The following FLT1 variants were observed in gnomAD, a reference collection of about 807,000 sequenced individuals.
FLT1 encodes the protein fms related receptor tyrosine kinase 1, also known as vascular endothelial growth factor receptor 1.
FLT1 carries 49 observed loss-of-function variants against 156.3 expected under a neutral mutation model. The observed-to-expected ratio is 0.31, with a 90% CI of 0.25 to 0.40. The LOEUF is 0.40. Among genes scored for constraint, FLT1 ranks in the 10% least tolerant of loss-of-function variants. The probability of loss-of-function intolerance (pLI) is 1.00; values close to 1 mark genes in which losing one functional copy is unlikely to be tolerated. For synonymous variants in FLT1, 594 were observed against 583.8 expected, an observed-to-expected ratio of 1.02 and a Z score of -0.25; for missense variants, 1,322 against 1,637.2, an observed-to-expected ratio of 0.81 and a Z score of 3.32.
chr13:28,444,496 C>T (rs1878503305), intron 3 of FLT1, among the ~76,000 whole-genome samples: 1 of 152,078 alleles, frequency 6.6e-6, no homozygotes. Flanking sequence ...TAGTAGAACA[C>T]CAGAACAACA....
chr13:28,322,292 G>A lies in FLT1; in HGVS notation c.3021C>T (p.Ala1007=), dbSNP rs746544568. Residue 1007 remains alanine, a synonymous_variant, in exon 22 of 30, where the codon GCC becomes GCT. Coordinates refer to ENST00000282397, the MANE Select transcript of FLT1 (RefSeq NM_002019.4). The surrounding 1 kb of genome is among the most constrained non-coding windows in gnomAD (Gnocchi z 4.3). ...EDLISYSFQV[A]RGMEFLSSRK... is the part of the protein sequence containing the mutation. Reference sequence around the variant, plus strand: ...TGGAAGACAGGAACTCCATGCCTCTGGCCACTTGAAAACTGTAAGAAATCA... The same window carrying A: ...TGGAAGACAGGAACTCCATGCCTCTAGCCACTTGAAAACTGTAAGAAATCA... 6.2e-7 allele frequency: 1 copy of A among 1,612,400 alleles called. No individual in the cohort carries two copies. Among genetic ancestry groups the A allele is most frequent in the Non-Finnish European group, 8.5e-7 (1 of 1,178,458 alleles).
At chr13:28,453,683 G>A (rs956510064) in intron 3 of FLT1, among the ~76,000 whole-genome samples, 5 of 152,170 alleles carry the variant, frequency 3.3e-5, no homozygotes, top group African/African-American at 1.2e-4. Context: ...CACATGACAT[G>A]ATTTTGACCC....
intron 3 of FLT1, among the ~76,000 whole-genome samples, chr13:28,452,226 G>A (rs1342868445): frequency 6.6e-6 from 1 of 152,178 alleles, no homozygotes. Context: ...GCCCAGGCAA[G>A]GACACGTTAG....
chr13:28,417,924 C>T (rs1302090234), intron 10 of FLT1, among the ~76,000 whole-genome samples: 1 of 152,062 alleles, frequency 6.6e-6, no homozygotes, highest in East Asian at 1.9e-4. Flanking sequence ...TTCTTTTGAC[C>T]CCTCCTTTTC....
intron 14 of FLT1, among the ~76,000 whole-genome samples, chr13:28,380,926 GA>G (rs34882655): frequency 2.0e-5 from 3 of 152,030 alleles, no homozygotes; most frequent in Admixed American, 2.0e-4. Context: ...ATAAATAGGG[GA>G]AAAAGGGCTC....
intron 14 of FLT1, among the ~76,000 whole-genome samples, chr13:28,377,382 A>G (rs1201209111): frequency 6.6e-6 from 1 of 152,232 alleles, no homozygotes; most frequent in Non-Finnish European, 1.5e-5. Flanking sequence ...GTATCTTTTC[A>G]GCTATCCAAT....
At chr13:28,385,826 C>T (rs1173278695) in intron 13 of FLT1, 1 of 1,051,018 alleles carries the variant, frequency 9.5e-7, no homozygotes, top group Non-Finnish European at 1.1e-6. Flanking sequence ...CACATAAGAA[C>T]AGCAGTACCC....
At chr13:28,477,096 A>G (rs1277260727) in intron 1 of FLT1, among the ~76,000 whole-genome samples, 1 of 152,220 alleles carries the variant, frequency 6.6e-6, no homozygotes, top group African/African-American at 2.4e-5. Flanking sequence ...CCAGGAAAAA[A>G]TGCTCTAATA....
chr13:28,481,530 AG>A (rs1880855107), intron 1 of FLT1, among the ~76,000 whole-genome samples: 1 of 151,992 alleles, frequency 6.6e-6, no homozygotes, highest in Non-Finnish European at 1.5e-5. Flanking sequence ...GACTCCTAGA[AG>A]GGCCTCAGAC....
At chr13:28,486,450 G>A (rs1190172396) in intron 1 of FLT1, among the ~76,000 whole-genome samples, 3 of 152,260 alleles carry the variant, frequency 2.0e-5, no homozygotes, top group African/African-American at 7.2e-5. Flanking sequence ...GGATGGAGAG[G>A]AAATTTTGCA....
chr13:28,434,251 T>G (rs778752769), intron 4 of FLT1, 31 bp from the exon 5 acceptor site: 2 of 1,607,586 alleles, frequency 1.2e-6, no homozygotes, highest in East Asian at 4.5e-5. Flanking sequence ...ATTAACAAGG[T>G]CCTATTAGCA....
intron 1 of FLT1, among the ~76,000 whole-genome samples, chr13:28,487,848 A>G (rs554448986): frequency 6.6e-6 from 1 of 152,156 alleles, no homozygotes; most frequent in African/African-American, 2.4e-5. Flanking sequence ...CACCAAATCC[A>G]TATTTTCCAA....
At chr13:28,401,644 A>T (rs1875443688) in intron 11 of FLT1, among the ~76,000 whole-genome samples, 1 of 152,210 alleles carries the variant, frequency 6.6e-6, no homozygotes, top group Admixed American at 6.5e-5. Flanking sequence ...GAGAAATAAA[A>T]GTAGATGTGT....
Position 28,466,877 on chromosome 13 carries a change from CAG to C in FLT1, c.388+24_388+25del, listed in dbSNP as rs774183818. 4 of 1,509,698 alleles carry C rather than the reference CAG, an allele frequency of 2.6e-6. No homozygotes were observed. In the African/African-American group the frequency reaches 4.1e-5, roughly 16 times the overall value. The allele number at this position is 1,509,698 out of a possible 1,614,324, so 93.5% of individuals were successfully genotyped here. A position where few individuals can be genotyped will look rare whatever the true frequency, so the allele number is the denominator to read the frequency against. The stretch of plus-strand genomic sequence containing the variant: ...GACTCATTTGCAAAGCAAAAGCAAA[CAG>C]AATGTAGAAAATGGAAGTCTTACCA... On this transcript the variant is annotated intron_variant, in intron 3 of 29. Coordinates refer to ENST00000282397, the MANE Select transcript of FLT1 (RefSeq NM_002019.4).
At chr13:28,373,925 C>G (rs1231931228) in intron 14 of FLT1, among the ~76,000 whole-genome samples, 1 of 152,164 alleles carries the variant, frequency 6.6e-6, no homozygotes, top group Admixed American at 6.5e-5. Context: ...CAGCCATTGA[C>G]TGCTCTTCAG....
chr13:28,417,671 G>T (rs1278601504), intron 10 of FLT1, among the ~76,000 whole-genome samples: 6 of 144,964 alleles, frequency 4.1e-5, no homozygotes, highest in Non-Finnish European at 6.1e-5. Context: ...CCTTAATTCC[G>T]TTTTTTTTTT....
chr13:28,353,058 A>G (rs537043819), intron 15 of FLT1, among the ~76,000 whole-genome samples: 9 of 152,190 alleles, frequency 5.9e-5, no homozygotes, highest in Non-Finnish European at 1.3e-4. Flanking sequence ...CCTTTCTCAA[A>G]CAAGTGACAA....
intron 28 of FLT1, 43 bp from the exon 29 acceptor site, chr13:28,306,815 C>CG: frequency 7.4e-7 from 1 of 1,358,600 alleles, no homozygotes; most frequent in African/African-American, 1.4e-5. Flanking sequence ...CCTGGCCCAG[C>CG]GGGGGTCCAT....
At chr13:28,319,291 G>C in intron 24 of FLT1, 132 bp downstream of exon 24, 2 of 692,390 alleles carry the variant, frequency 2.9e-6, no homozygotes, top group Non-Finnish European at 5.3e-6. Flanking sequence ...AGTCTACATG[G>C]GCCCATTACA....
Sources: gnomAD v4.1 joint callset for allele counts (sites outside exome capture counted in the v4.1 genomes callset) on GRCh38, gnomAD v4.1.1 for gene constraint, Gnocchi (gnomAD v3.1) non-coding constraint, MANE v1.5 for transcripts, NCBI Gene and HGNC (gene_info 2026-07-23, HGNC 2026-07-21) for gene names.